The following TRMT9B variants were observed in gnomAD, a reference collection of about 807,000 sequenced individuals.
The protein encoded by TRMT9B is tRNA methyltransferase 9B (putative), also known as probable tRNA methyltransferase 9B.
A neutral mutation model predicts 11.5 loss-of-function variants in TRMT9B; 16 were observed. That is an observed-to-expected ratio of 1.39 (90% CI 0.94 to 2.11). The LOEUF is 2.11. Ranked by LOEUF, TRMT9B falls within the 30% of genes most tolerant of loss-of-function variation. The pLI, the probability that TRMT9B is intolerant of heterozygous loss-of-function variation, is 0.00. For synonymous variants in TRMT9B, 274 were observed against 192.4 expected, an observed-to-expected ratio of 1.42 and a Z score of -3.51; for missense variants, 941 against 553.8, an observed-to-expected ratio of 1.70 and a Z score of -7.02.
chr8:12,976,389 A>G (rs1260050128), intron 1 of TRMT9B, among the ~76,000 whole-genome samples: 1 of 151,864 alleles, frequency 6.6e-6, no homozygotes, highest in Non-Finnish European at 1.5e-5. Context: ...TTCACTATAA[A>G]GTGAATTTCT....
Position 12,969,389 on chromosome 8 carries a change from A to T in TRMT9B, c.-199-21445A>T, listed in dbSNP as rs142786891. The stretch of plus-strand genomic sequence containing the variant: ...AGTAAGTAAACAATTGCACCCAGTC[A>T]CTCCTTTGCATCCAAAGGGGATTGG... On this transcript the variant is annotated intron_variant, in intron 1 of 4. Transcript: ENST00000524591. Among the ~76,000 whole-genome samples, 610 of 151,674 alleles carry T rather than the reference A, an allele frequency of 4.0e-3. 4 individuals carry two copies. Among genetic ancestry groups the T allele is most frequent in the African/African-American group, 0.014 (584 of 41,340 alleles).
At chr8:12,953,450 A>G (rs752323126) in intron 1 of TRMT9B, among the ~76,000 whole-genome samples, 1 of 151,958 alleles carries the variant, frequency 6.6e-6, no homozygotes, top group Non-Finnish European at 1.5e-5. Flanking sequence ...CCCGAGTTCA[A>G]CCGATTCTCC....
intron 1 of TRMT9B, chr8:12,961,731 C>G (rs1802142565): frequency 6.7e-6 from 1 of 148,752 alleles, no homozygotes; most frequent in Non-Finnish European, 1.5e-5. Context: ...AAGAAGAAAA[C>G]GTTACCTTCA....
At chr8:12,992,604 C>T (rs1468092276) in intron 2 of TRMT9B, among the ~76,000 whole-genome samples, 13 of 152,090 alleles carry the variant, frequency 8.5e-5, no homozygotes, top group Non-Finnish European at 5.9e-5. Flanking sequence ...GCAATCCCAG[C>T]ATTTTGAGAG....
chr8:13,000,030 A>T (rs962519414), intron 2 of TRMT9B, among the ~76,000 whole-genome samples: 1 of 152,206 alleles, frequency 6.6e-6, no homozygotes, highest in African/African-American at 2.4e-5. Context: ...TCTACAGTTC[A>T]TATGATGAAC....
chr8:12,969,247 C>A (rs2954169), intron 1 of TRMT9B, among the ~76,000 whole-genome samples: 43,130 of 152,008 alleles, frequency 0.28, 6,700 homozygotes, highest in East Asian at 0.62. Context: ...AAAGGCCCAC[C>A]GTCTCTTCAT....
At chr8:12,993,238 A>G (rs1041730857) in intron 2 of TRMT9B, among the ~76,000 whole-genome samples, 3 of 152,202 alleles carry the variant, frequency 2.0e-5, no homozygotes, top group African/African-American at 7.2e-5. Context: ...AGGTCCCCTG[A>G]AGGGCTTTCA....
intron 1 of TRMT9B, among the ~76,000 whole-genome samples, chr8:12,982,401 C>A (rs908709520): frequency 6.6e-6 from 1 of 152,156 alleles, no homozygotes; most frequent in Non-Finnish European, 1.5e-5. Context: ...GTGGCTTATG[C>A]CTGTAATCCC....
At chr8:12,949,639 C>T (rs1800445520) in intron 1 of TRMT9B, among the ~76,000 whole-genome samples, 1 of 152,138 alleles carries the variant, frequency 6.6e-6, no homozygotes, top group Admixed American at 6.5e-5. Context: ...TCACAAGTCT[C>T]TAGGGATTCT....
intron 2 of TRMT9B, among the ~76,000 whole-genome samples, chr8:12,998,531 C>T (rs1485518367): frequency 1.6e-4 from 25 of 152,304 alleles, no homozygotes; most frequent in Non-Finnish European, 4.4e-5. Flanking sequence ...TGAGAAATCC[C>T]TTCTGATGAC....
chr8:13,015,546 G>T (rs569639318), intron 4 of TRMT9B, among the ~76,000 whole-genome samples: 1 of 137,028 alleles, frequency 7.3e-6, no homozygotes, highest in African/African-American at 2.8e-5. Context: ...TGTAGAGATG[G>T]GGTTGCCATA....
At chr8:12,969,738 C>G (rs1803323453) in intron 1 of TRMT9B, among the ~76,000 whole-genome samples, 1 of 151,746 alleles carries the variant, frequency 6.6e-6, no homozygotes, top group Admixed American at 6.6e-5. Context: ...CTGGTACAAT[C>G]ACGGCTCATT....
At chr8:12,992,530 G>A (rs1244354193) in intron 2 of TRMT9B, among the ~76,000 whole-genome samples, 1 of 151,944 alleles carries the variant, frequency 6.6e-6, no homozygotes, top group African/African-American at 2.4e-5. Flanking sequence ...AACTTAGATG[G>A]TCATGAAGCT....
At chr8:13,013,058 A>G (rs903574138) in intron 4 of TRMT9B, among the ~76,000 whole-genome samples, 3 of 152,248 alleles carry the variant, frequency 2.0e-5, no homozygotes, top group South Asian at 2.1e-4. Context: ...TGTTTTAACT[A>G]TTTAAACCTT....
At chr8:12,999,566 A>G (rs952834535) in intron 2 of TRMT9B, among the ~76,000 whole-genome samples, 1 of 152,198 alleles carries the variant, frequency 6.6e-6, no homozygotes, top group Non-Finnish European at 1.5e-5. Context: ...ATATTGTTGA[A>G]TTGGCTAGAG....
intron 1 of TRMT9B, among the ~76,000 whole-genome samples, chr8:12,965,591 A>C (rs565627805): frequency 6.6e-6 from 1 of 151,698 alleles, no homozygotes; most frequent in African/African-American, 2.4e-5. Flanking sequence ...TTTTGATAGG[A>C]TCCCAAAAGG....
At chr8:13,013,313 T>C (rs1219480175) in intron 4 of TRMT9B, among the ~76,000 whole-genome samples, 1 of 152,192 alleles carries the variant, frequency 6.6e-6, no homozygotes, top group Non-Finnish European at 1.5e-5. Flanking sequence ...CACTCACTGG[T>C]ACTCAAGTTC....
At chr8:12,953,524 G>C (rs1015902705) in intron 1 of TRMT9B, among the ~76,000 whole-genome samples, 2 of 151,980 alleles carry the variant, frequency 1.3e-5, no homozygotes, top group African/African-American at 4.8e-5. Context: ...TAATTTTTTT[G>C]TGTTTTTAGT....
At chr8:12,994,041 C>G (rs1187501773) in intron 2 of TRMT9B, among the ~76,000 whole-genome samples, 1 of 152,360 alleles carries the variant, frequency 6.6e-6, no homozygotes, top group Admixed American at 6.5e-5. Flanking sequence ...GGGAGAATAA[C>G]TGTCCGAGAC....
Sources: gnomAD v4.1 joint callset for allele counts (sites outside exome capture counted in the v4.1 genomes callset) on GRCh38, gnomAD v4.1.1 for gene constraint, MANE v1.5 for transcripts, NCBI Gene and HGNC (gene_info 2026-07-23, HGNC 2026-07-21) for gene names.